The following LINGO1 variants were observed in gnomAD, a reference collection of about 807,000 sequenced individuals.
The protein encoded by LINGO1 is leucine rich repeat and Ig domain containing 1.
LINGO1 carries 11 observed loss-of-function variants against 37.3 expected under a neutral mutation model. That is an observed-to-expected ratio of 0.29 (90% CI 0.19 to 0.49). The LOEUF (loss-of-function observed/expected upper bound fraction) is 0.49, where lower values mean the gene tolerates loss of function less well. Ranked by LOEUF, LINGO1 falls within the 20% of genes least tolerant of loss-of-function variation. The probability of loss-of-function intolerance (pLI) is 0.99; values close to 1 mark genes in which losing one functional copy is unlikely to be tolerated. For missense variants in LINGO1, 585 were observed against 878.2 expected, an observed-to-expected ratio of 0.67 and a Z score of 4.22; for synonymous variants, 387 against 403.0, an observed-to-expected ratio of 0.96 and a Z score of 0.48.
At chr15:77,760,796 TGGGAAA>T (rs1185071375) in intron 1 of LINGO1, among the ~76,000 whole-genome samples, 2 of 151,826 alleles carry the variant, frequency 1.3e-5, no homozygotes, top group Admixed American at 6.6e-5. Context: ...TCCTGGGTGC[TGGGAAA>T]GGAGGTGAGG....
At chr15:77,675,765 C>T (rs2075317285) in intron 3 of LINGO1, among the ~76,000 whole-genome samples, 2 of 152,130 alleles carry the variant, frequency 1.3e-5, no homozygotes, top group South Asian at 4.2e-4. Flanking sequence ...CCTTAATAAT[C>T]AGAAAAATGA....
At chr15:77,704,420 C>T (rs1480591480) in intron 2 of LINGO1, among the ~76,000 whole-genome samples, 1 of 152,076 alleles carries the variant, frequency 6.6e-6, no homozygotes, top group East Asian at 1.9e-4. Flanking sequence ...CAACCCTGGC[C>T]ACACACTGAA....
At chr15:77,692,417 G>T (rs537690872) in intron 1 of LINGO1, among the ~76,000 whole-genome samples, 46 of 152,270 alleles carry the variant, frequency 3.0e-4, no homozygotes, top group African/African-American at 9.9e-4. Context: ...AAACACGGAC[G>T]GAGAGTTTTT....
rs368612085 is a variant in LINGO1, at chr15:77,709,582, A to G, written c.-194-18681T>C. Among the ~76,000 whole-genome samples, 11 of 152,226 alleles carry G rather than the reference A, an allele frequency of 7.2e-5. No homozygotes were observed. The East Asian group carries it at 1.9e-3, about 27-fold the overall frequency. On this transcript the variant is annotated intron_variant, in intron 2 of 3. Transcript: ENST00000561686. Reference sequence around the variant, plus strand: ...TGTCTCTAGATTCAACTGTGGTTCAACGTCCTGGAAGGCAGAGAAAAACCC... The same window carrying G: ...TGTCTCTAGATTCAACTGTGGTTCAGCGTCCTGGAAGGCAGAGAAAAACCC...
intron 2 of LINGO1, among the ~76,000 whole-genome samples, chr15:77,794,712 C>T (rs1256652553): frequency 2.0e-5 from 3 of 151,146 alleles, no homozygotes; most frequent in Admixed American, 6.6e-5. Context: ...CTCAGCCTCC[C>T]GAGTAGCTGG....
chr15:77,807,752 C>G (rs766802541), intron 1 of LINGO1, among the ~76,000 whole-genome samples: 28 of 152,138 alleles, frequency 1.8e-4, no homozygotes, highest in Non-Finnish European at 3.5e-4. Context: ...CCAACTATCA[C>G]AGCTTAAAAG....
intron 3 of LINGO1, chr15:77,648,096 G>C: frequency 2.8e-6 from 1 of 361,532 alleles, no homozygotes. Flanking sequence ...TTGGTATCAG[G>C]TGTGGATAGC....
intron 1 of LINGO1, among the ~76,000 whole-genome samples, chr15:77,809,192 G>A (rs1596250652): frequency 6.6e-6 from 1 of 152,228 alleles, no homozygotes; most frequent in East Asian, 1.9e-4. Context: ...GGGGGATGAG[G>A]AGCATGCCTC....
At chr15:77,776,484 G>A (rs1162253576) in intron 1 of LINGO1, among the ~76,000 whole-genome samples, 1 of 132,460 alleles carries the variant, frequency 7.5e-6, no homozygotes, top group African/African-American at 3.0e-5. Flanking sequence ...CAGGAAGGCA[G>A]GAAAGCAGGA....
intron 1 of LINGO1, among the ~76,000 whole-genome samples, chr15:77,628,986 C>A (rs897113847): frequency 3.3e-5 from 5 of 152,218 alleles, no homozygotes; most frequent in Admixed American, 1.3e-4. Flanking sequence ...GTGTACCAGG[C>A]AGTGTTCTAA....
chr15:77,738,049 TTA>T (rs1280190511), intron 1 of LINGO1, among the ~76,000 whole-genome samples: 3 of 152,270 alleles, frequency 2.0e-5, no homozygotes, highest in South Asian at 4.2e-4. Flanking sequence ...TATCCCCAAA[TTA>T]TGTTTCCCTC....
chr15:77,792,816 T>C (rs529338875), intron 2 of LINGO1, among the ~76,000 whole-genome samples: 1 of 152,346 alleles, frequency 6.6e-6, no homozygotes, highest in East Asian at 1.9e-4. Flanking sequence ...GCCTCATGTG[T>C]AGCAGGCGCT....
At chr15:77,790,958 G>A (rs2076814328), upstream of LINGO1, among the ~76,000 whole-genome samples, 1 of 152,144 alleles carries the variant, frequency 6.6e-6, no homozygotes, top group South Asian at 2.1e-4. Context: ...GCTTGGGTTG[G>A]GCCAATGGGT....
intron 3 of LINGO1, chr15:77,651,967 C>G (rs1323904252): frequency 6.6e-6 from 1 of 152,190 alleles, no homozygotes; most frequent in Non-Finnish European, 1.5e-5. Context: ...GTCTCAAACT[C>G]TGGTGAAGTC....
chr15:77,646,797 T>G (rs574206870), intron 3 of LINGO1, among the ~76,000 whole-genome samples: 2 of 152,300 alleles, frequency 1.3e-5, no homozygotes, highest in South Asian at 4.1e-4. Flanking sequence ...TCTTCTCAAC[T>G]GTGCCCAGAA....
intron 3 of LINGO1, among the ~76,000 whole-genome samples, chr15:77,653,779 C>T (rs1323046911): frequency 6.6e-6 from 1 of 151,840 alleles, no homozygotes; most frequent in Non-Finnish European, 1.5e-5. Context: ...AAAGAGATGG[C>T]TCGGAAAGGA....
chr15:77,714,285 C>T (rs759217017), intron 2 of LINGO1, among the ~76,000 whole-genome samples: 6 of 151,812 alleles, frequency 4.0e-5, no homozygotes, highest in Non-Finnish European at 2.9e-5. Context: ...TGACCTAGGC[C>T]TCCATCATGT....
chr15:77,782,667 C>G (rs750246360), intron 1 of LINGO1, among the ~76,000 whole-genome samples: 5 of 151,846 alleles, frequency 3.3e-5, no homozygotes, highest in Non-Finnish European at 7.4e-5. Flanking sequence ...GGACTCTCAG[C>G]CTTCCCACCC....
intron 1 of LINGO1, chr15:77,695,942 A>C (rs992643762): frequency 5.2e-5 from 7 of 133,776 alleles, no homozygotes; most frequent in Non-Finnish European, 7.9e-5. Context: ...GCAAGGGAGG[A>C]GGAGGGAAGG....
Sources: allele counts gnomAD v4.1 joint callset (sites outside exome capture counted in the v4.1 genomes callset), GRCh38; gene constraint gnomAD v4.1.1; transcripts MANE v1.5; gene names NCBI Gene and HGNC (gene_info 2026-07-23, HGNC 2026-07-21).